The following SUCLG2 variants were observed in gnomAD, a reference collection of about 807,000 sequenced individuals.
SUCLG2 encodes succinate--CoA ligase [GDP-forming] subunit beta, mitochondrial.
In SUCLG2, 42 loss-of-function variants were observed where a neutral mutation model predicts 47.9. That is an observed-to-expected ratio of 0.88 (90% confidence interval 0.69 to 1.14). SUCLG2 has a LOEUF of 1.14. Among genes scored for constraint, SUCLG2 ranks in the 50% most tolerant of loss-of-function variants. The pLI is 0.00. For missense variants in SUCLG2, 571 were observed against 525.9 expected, an observed-to-expected ratio of 1.09 and a Z score of -0.84; for synonymous variants, 195 against 197.3, an observed-to-expected ratio of 0.99 and a Z score of 0.10.
chr3:67,530,069 CCT>C (rs1706361075), intron 2 of SUCLG2, among the ~76,000 whole-genome samples: 1 of 152,174 alleles, frequency 6.6e-6, no homozygotes, highest in Non-Finnish European at 1.5e-5. Context: ...CAGCTGATAT[CCT>C]CTGTTTGTGA....
intron 9 of SUCLG2, among the ~76,000 whole-genome samples, chr3:67,425,929 TA>T (rs1703290313): frequency 6.6e-6 from 1 of 152,202 alleles, no homozygotes; most frequent in Admixed American, 6.5e-5. Flanking sequence ...AATATTACTA[TA>T]AGCTCAAAAG....
intron 9 of SUCLG2, among the ~76,000 whole-genome samples, chr3:67,406,624 G>C (rs2106826979): frequency 6.6e-6 from 1 of 152,162 alleles, no homozygotes; most frequent in South Asian, 2.1e-4. Flanking sequence ...GTGCATTTGA[G>C]AAACTGAACA....
chr3:67,431,256 A>G (rs9868494), intron 9 of SUCLG2, among the ~76,000 whole-genome samples: 1 of 152,106 alleles, frequency 6.6e-6, no homozygotes, highest in Admixed American at 6.5e-5. Flanking sequence ...TTATCCACCA[A>G]GATCAAGTCA....
At chr3:67,501,317 G>C (rs1240949576) in intron 7 of SUCLG2, among the ~76,000 whole-genome samples, 1 of 152,068 alleles carries the variant, frequency 6.6e-6, no homozygotes, top group Non-Finnish European at 1.5e-5. Context: ...AAACTTTAAG[G>C]ATGTAAAGGG....
At chr3:67,360,641 A>C in exon 11 of SUCLG2, 1 of 1,508,818 alleles carries the variant, frequency 6.6e-7, no homozygotes, top group Non-Finnish European at 8.8e-7. Context: ...AACATAAAAA[A>C]ATGCTGATGG....
chr3:67,505,420 G>A (rs1035285949), intron 7 of SUCLG2, among the ~76,000 whole-genome samples: 2 of 152,148 alleles, frequency 1.3e-5, no homozygotes, highest in African/African-American at 4.8e-5. Flanking sequence ...CTACATTGCA[G>A]TTAGTAGTGT....
chr3:67,466,709 G>A (rs1243803588), intron 9 of SUCLG2, among the ~76,000 whole-genome samples: 1 of 152,170 alleles, frequency 6.6e-6, no homozygotes, highest in Non-Finnish European at 1.5e-5. Context: ...TTTCGATCAA[G>A]TACTCTCATC....
chr3:67,538,239 T>A (rs563506815), intron 2 of SUCLG2, among the ~76,000 whole-genome samples: 6 of 151,178 alleles, frequency 4.0e-5, no homozygotes, highest in South Asian at 2.1e-4. Context: ...CTTGAGTTAA[T>A]TTTTGTGTAA....
intron 2 of SUCLG2, among the ~76,000 whole-genome samples, chr3:67,585,794 C>T (rs1481445363): frequency 6.6e-6 from 1 of 151,972 alleles, no homozygotes; most frequent in African/African-American, 2.4e-5. Context: ...AAAACCCCAT[C>T]TCTACTAAAA....
chr3:67,428,948 A>G (rs1703384887), intron 9 of SUCLG2, among the ~76,000 whole-genome samples: 1 of 152,322 alleles, frequency 6.6e-6, no homozygotes, highest in South Asian at 2.1e-4. Flanking sequence ...ATATGGGACT[A>G]TGTGAAAAGA....
At chr3:67,601,140 A>T (rs1460772744) in intron 2 of SUCLG2, among the ~76,000 whole-genome samples, 3 of 152,210 alleles carry the variant, frequency 2.0e-5, no homozygotes, top group Admixed American at 6.5e-5. Flanking sequence ...AAAATTATAA[A>T]CAAAACTGTA....
At chr3:67,631,489 G>A (rs1447744040) in intron 1 of SUCLG2, among the ~76,000 whole-genome samples, 3 of 152,098 alleles carry the variant, frequency 2.0e-5, no homozygotes, top group African/African-American at 7.2e-5. Context: ...GTAGCCGGGC[G>A]TGGTGGATAC....
chr3:67,397,525 T>C (rs1486569261), intron 10 of SUCLG2, among the ~76,000 whole-genome samples: 1 of 152,024 alleles, frequency 6.6e-6, no homozygotes, highest in Non-Finnish European at 1.5e-5. Context: ...AAAGATGATA[T>C]AAACAAATGG....
intron 2 of SUCLG2, among the ~76,000 whole-genome samples, chr3:67,597,935 C>T (rs1708331092): frequency 6.6e-6 from 1 of 151,658 alleles, no homozygotes; most frequent in Non-Finnish European, 1.5e-5. Context: ...GAGACTCCAT[C>T]TCAAAAAACA....
In SUCLG2 at chr3:67,490,697, C is replaced by T. The variant is rs149927768; in HGVS notation, c.1062+5101G>A. On this transcript the variant is annotated intron_variant, in intron 9 of 10. Transcript: ENST00000307227. ...GAAACACTCAGAAAATATAAAAAGC[C>T]AAAGTTTTCACTATGCTTTAGAAAG... 4.8e-3 allele frequency among the ~76,000 whole-genome samples: 725 copies of T among 152,224 alleles called. 11 individuals are homozygous for T. The East Asian group carries it at 0.058, about 12-fold the overall frequency.
intron 10 of SUCLG2, among the ~76,000 whole-genome samples, chr3:67,389,222 T>G (rs1183389356): frequency 2.6e-5 from 4 of 152,108 alleles, no homozygotes; most frequent in African/African-American, 9.7e-5. Flanking sequence ...AATTTAAATC[T>G]GTGAACCAGA....
intron 10 of SUCLG2, among the ~76,000 whole-genome samples, chr3:67,388,019 G>A (rs1017470387): frequency 1.3e-5 from 2 of 151,940 alleles, no homozygotes; most frequent in African/African-American, 4.8e-5. Flanking sequence ...ATGGTAACAA[G>A]TGTTATCTGC....
chr3:67,506,805 A>ATGAAT (rs1454595734), intron 7 of SUCLG2, among the ~76,000 whole-genome samples: 1 of 152,234 alleles, frequency 6.6e-6, no homozygotes, highest in East Asian at 1.9e-4. Flanking sequence ...AATTGTCAAC[A>ATGAAT]TGAATTCTGA....
intron 1 of SUCLG2, among the ~76,000 whole-genome samples, chr3:67,620,149 G>T (rs1019732186): frequency 6.6e-6 from 1 of 152,180 alleles, no homozygotes; most frequent in African/African-American, 2.4e-5. Flanking sequence ...TGACATCCAA[G>T]ATCTAGCAGT....
Sources: allele counts gnomAD v4.1 joint callset (sites outside exome capture counted in the v4.1 genomes callset), GRCh38; gene constraint gnomAD v4.1.1; transcripts MANE v1.5; gene names NCBI Gene and HGNC (gene_info 2026-07-23, HGNC 2026-07-21).